CRPPA: variants seen among roughly 807,000 people sequenced by gnomAD.
The protein encoded by CRPPA is D-ribitol-5-phosphate cytidylyltransferase.
Under a neutral mutation model 52.0 loss-of-function variants are expected in CRPPA, and 43 were observed. The ratio of observed to expected loss-of-function variants is 0.83; its 90% CI spans 0.65 to 1.07. The LOEUF (loss-of-function observed/expected upper bound fraction) is 1.07. Among genes scored for constraint, CRPPA ranks in the 50% least tolerant of loss-of-function variants. The pLI is 0.00. For synonymous variants in CRPPA, 250 were observed against 203.5 expected (o/e 1.23, Z -1.94); for missense variants, 629 against 551.7 (o/e 1.14, Z -1.40).
intron 8 of CRPPA, among the ~76,000 whole-genome samples, chr7:16,241,971 T>TTTTTTTTTTTTTTTG (rs1783123848): frequency 1.2e-5 from 1 of 86,162 alleles, no homozygotes; most frequent in East Asian, 3.9e-4. Flanking sequence ...TTTTTTTTGT[T>TTTTTTTTTTTTTTTG]GGGGGGAGAT....
intron 9 of CRPPA, among the ~76,000 whole-genome samples, chr7:16,204,039 A>G (rs761699396): frequency 6.6e-6 from 1 of 152,310 alleles, no homozygotes; most frequent in Non-Finnish European, 1.5e-5. Context: ...AAAATTGCGT[A>G]TCTATGTTAT....
chr7:16,359,758 GATA>G (rs764311670), intron 3 of CRPPA, among the ~76,000 whole-genome samples: 1 of 152,036 alleles, frequency 6.6e-6, no homozygotes, highest in East Asian at 1.9e-4. Context: ...CTGCTTATGA[GATA>G]ATAAGTCTTA....
chr7:16,405,174 A>C (rs1172558878), intron 2 of CRPPA, among the ~76,000 whole-genome samples: 1 of 152,058 alleles, frequency 6.6e-6, no homozygotes, highest in Non-Finnish European at 1.5e-5. Context: ...ATAATCTTAG[A>C]GGAAACTATT....
Position 16,223,827 on chromosome 7 carries a change from C to T in CRPPA, c.1120-7630G>A, listed in dbSNP as rs572087901. 2.6e-5 allele frequency among the ~76,000 whole-genome samples: 4 copies of T among 152,220 alleles called. No individual in the cohort carries two copies. In the East Asian group the frequency reaches 5.8e-4, roughly 22 times the overall value. On this transcript the variant is annotated intron_variant, in intron 8 of 9. Transcript: ENST00000407010. Reference sequence around the variant, plus strand: ...TTGCATCCATTTAAATACAGCCAAACATTTCATATAGGTTGAGTACTGCAG... The same window carrying T: ...TTGCATCCATTTAAATACAGCCAAATATTTCATATAGGTTGAGTACTGCAG...
At chr7:16,251,645 T>G (rs1783451309) in intron 8 of CRPPA, among the ~76,000 whole-genome samples, 1 of 152,002 alleles carries the variant, frequency 6.6e-6, no homozygotes, top group Non-Finnish European at 1.5e-5. Flanking sequence ...AATAACAAAA[T>G]GAAGACAGAA....
In CRPPA at chr7:16,249,257, C is replaced by T. The variant is rs566266411; in HGVS notation, c.1119+9133G>A. On this transcript the variant is annotated intron_variant, in intron 8 of 9. Coordinates refer to ENST00000407010, the MANE Select transcript of CRPPA (RefSeq NM_001101426.4). ...GGGCTTATAGATAAAACCCCCATCT[C>T]CCTGGGACAGAGCACCTGGGGGAAG... 3.3e-5 allele frequency among the ~76,000 whole-genome samples: 5 copies of T among 152,278 alleles called. No homozygotes were observed. In the East Asian group the frequency reaches 9.7e-4, roughly 29 times the overall value.
intron 6 of CRPPA, among the ~76,000 whole-genome samples, chr7:16,274,478 G>A (rs1446803374): frequency 1.3e-5 from 2 of 151,986 alleles, no homozygotes; most frequent in Admixed American, 6.6e-5. Flanking sequence ...TCCTTTCAAG[G>A]TGAACCAAGA....
chr7:16,351,033 T>A (rs936100021), intron 3 of CRPPA, among the ~76,000 whole-genome samples: 8 of 152,064 alleles, frequency 5.3e-5, no homozygotes, highest in African/African-American at 1.7e-4. Flanking sequence ...AGGGGACAAT[T>A]CATCAAAAAG....
Position 16,358,052 on chromosome 7 carries a change from G to A in CRPPA, c.684+18040C>T, listed in dbSNP as rs146739231. On this transcript the variant is annotated intron_variant, in intron 3 of 9. Coordinates refer to ENST00000407010, the MANE Select transcript of CRPPA (RefSeq NM_001101426.4). ...CTGGGGTACCAGCAAAATGAGGCTG[G>A]CAGGCACAGAGCCATAGGCCAGGAC... Among the ~76,000 whole-genome samples the A allele has an allele frequency of 2.4e-3, 365 of 152,314 alleles. 1 individual carries two copies. The highest frequency in any genetic ancestry group is 8.1e-3 in the African/African-American group (338 of 41,572).
At chr7:16,252,555 T>G (rs111701134) in intron 8 of CRPPA, among the ~76,000 whole-genome samples, 1 of 152,092 alleles carries the variant, frequency 6.6e-6, no homozygotes, top group Non-Finnish European at 1.5e-5. Context: ...CGGATATTGG[T>G]CTAAATTTCT....
At chr7:16,315,750 C>T (rs902854326) in intron 3 of CRPPA, among the ~76,000 whole-genome samples, 1 of 152,046 alleles carries the variant, frequency 6.6e-6, no homozygotes, top group Admixed American at 6.6e-5. Context: ...TGACTGGGTC[C>T]TCCTGAAGCT....
intron 1 of CRPPA, among the ~76,000 whole-genome samples, chr7:16,418,806 G>A (rs1364086222): frequency 6.6e-6 from 1 of 152,112 alleles, no homozygotes; most frequent in Non-Finnish European, 1.5e-5. Context: ...AGATTTTTGG[G>A]TGGAGACACA....
chr7:16,376,644 C>G (rs1786896702), intron 2 of CRPPA, among the ~76,000 whole-genome samples: 1 of 152,086 alleles, frequency 6.6e-6, no homozygotes, highest in Non-Finnish European at 1.5e-5. Flanking sequence ...ATATTAGATA[C>G]TTAAGGAAAT....
chr7:16,206,299 A>G (rs1781972442), intron 9 of CRPPA, among the ~76,000 whole-genome samples: 1 of 152,294 alleles, frequency 6.6e-6, no homozygotes, highest in African/African-American at 2.4e-5. Context: ...TTAGTGGTCC[A>G]TATTTTAATA....
At chr7:16,278,304 C>T (rs1784252343) in intron 5 of CRPPA, 78 bp from the exon 6 acceptor site, 2 of 714,916 alleles carry the variant, frequency 2.8e-6, no homozygotes, top group Non-Finnish European at 4.7e-6. Context: ...CATAAACTTA[C>T]CTGATGTTCT....
intron 8 of CRPPA, among the ~76,000 whole-genome samples, chr7:16,225,956 T>C (rs545921279): frequency 2.1e-4 from 32 of 151,742 alleles, no homozygotes; most frequent in Non-Finnish European, 4.3e-4. Context: ...GTATTCAGAA[T>C]ACACAGAAAA....
chr7:16,233,656 A>G (rs1782867225), intron 8 of CRPPA, among the ~76,000 whole-genome samples: 1 of 152,154 alleles, frequency 6.6e-6, no homozygotes, highest in African/African-American at 2.4e-5. Flanking sequence ...ATGGATGCTG[A>G]GCTCAATTAA....
At chr7:16,185,392 C>T (rs1030320365) in intron 9 of CRPPA, among the ~76,000 whole-genome samples, 2 of 152,136 alleles carry the variant, frequency 1.3e-5, no homozygotes, top group African/African-American at 4.8e-5. Flanking sequence ...AGCTACAATT[C>T]AAGATGAGAT....
intron 8 of CRPPA, chr7:16,216,399 A>C (rs996800005): frequency 2.6e-6 from 1 of 380,878 alleles, no homozygotes; most frequent in Non-Finnish European, 4.7e-6. Context: ...GTAAACACTC[A>C]GAGAAAACGA....
Sources: allele counts gnomAD v4.1 joint callset (sites outside exome capture counted in the v4.1 genomes callset), GRCh38; gene constraint gnomAD v4.1.1; transcripts MANE v1.5; gene names NCBI Gene and HGNC (gene_info 2026-07-23, HGNC 2026-07-21).